SLC16A7: variants seen among roughly 807,000 people sequenced by gnomAD.
SLC16A7 encodes the protein monocarboxylate transporter 2.
Under a neutral mutation model 34.9 loss-of-function variants are expected in SLC16A7, and 33 were observed. The ratio of observed to expected loss-of-function variants is 0.94; its 90% CI spans 0.72 to 1.26. The LOEUF (loss-of-function observed/expected upper bound fraction) is 1.26, where lower values mean the gene tolerates loss of function less well. SLC16A7 is among the 50% of genes most tolerant of loss of function. The probability of loss-of-function intolerance (pLI) is 0.00; values close to 1 mark genes in which losing one functional copy is unlikely to be tolerated. For missense variants in SLC16A7, 573 were observed against 578.1 expected (o/e 0.99, Z 0.09); for synonymous variants, 201 against 206.6 (o/e 0.97, Z 0.23).
chr12:59,716,381 TG>T (rs2137184757), intron 3 of SLC16A7, among the ~76,000 whole-genome samples: 1 of 152,320 alleles, frequency 6.6e-6, no homozygotes, highest in East Asian at 1.9e-4. Flanking sequence ...TCTTCTTATA[TG>T]ATGAGTAAAG....
At chr12:59,727,338 CA>C (rs1002314844) in intron 3 of SLC16A7, among the ~76,000 whole-genome samples, 1 of 151,900 alleles carries the variant, frequency 6.6e-6, no homozygotes, top group Non-Finnish European at 1.5e-5. Flanking sequence ...AAAAGGTGTA[CA>C]AAATCTCAGA....
At chr12:59,641,425 T>C (rs2137006413) in intron 1 of SLC16A7, among the ~76,000 whole-genome samples, 1 of 152,220 alleles carries the variant, frequency 6.6e-6, no homozygotes, top group African/African-American at 2.4e-5. Context: ...ACTTTGCTTT[T>C]GATGGGGTTA....
intron 1 of SLC16A7, among the ~76,000 whole-genome samples, chr12:59,639,538 C>T (rs1304229003): frequency 6.6e-6 from 1 of 152,064 alleles, no homozygotes; most frequent in African/African-American, 2.4e-5. Flanking sequence ...TGCAAGCCAC[C>T]ATGCCTGGCT....
intron 2 of SLC16A7, among the ~76,000 whole-genome samples, chr12:59,699,317 T>C (rs1388214342): frequency 6.6e-6 from 1 of 151,664 alleles, no homozygotes; most frequent in African/African-American, 2.4e-5. Flanking sequence ...AGAACTGATA[T>C]TTAAAGAACA....
At chr12:59,700,052 A>G (rs1262522927) in intron 2 of SLC16A7, among the ~76,000 whole-genome samples, 1 of 151,868 alleles carries the variant, frequency 6.6e-6, no homozygotes, top group East Asian at 1.9e-4. Flanking sequence ...TAGAAAAAAT[A>G]CTTGTGTTAG....
rs1446390889 is a variant in SLC16A7, at chr12:59,788,052, AATT to A, written c.*8377_*8379del. 11 of 152,184 alleles carry A rather than the reference AATT, an allele frequency of 7.2e-5. No homozygotes were observed. The highest frequency in any genetic ancestry group is 1.5e-4 in the Non-Finnish European group (10 of 68,026). 9.4% of individuals were successfully genotyped at this position (152,184 alleles called of 1,614,324 possible). A position where few individuals can be genotyped will look rare whatever the true frequency, so the allele number is the denominator to read the frequency against. ...CCCAGATATTTTAAACCAGTATGTT[AATT>A]ATTTCCTAGAATGAATAATTCTCCT... On this transcript the variant is annotated 3_prime_UTR_variant, in exon 6 of 6. Transcript: ENST00000547379.
chr12:59,731,398 A>G (rs1876934523), intron 3 of SLC16A7, among the ~76,000 whole-genome samples: 1 of 152,214 alleles, frequency 6.6e-6, no homozygotes, highest in African/African-American at 2.4e-5. Flanking sequence ...ATGAAGTACA[A>G]AAAGGTTAAA....
At chr12:59,650,220 C>T (rs1327704356) in intron 1 of SLC16A7, among the ~76,000 whole-genome samples, 1 of 151,940 alleles carries the variant, frequency 6.6e-6, no homozygotes, top group Non-Finnish European at 1.5e-5. Flanking sequence ...TTACTTGTTT[C>T]ACAAGACATG....
At chr12:59,717,748 A>AG (rs1312274942) in intron 3 of SLC16A7, among the ~76,000 whole-genome samples, 10 of 152,300 alleles carry the variant, frequency 6.6e-5, no homozygotes, top group Admixed American at 2.0e-4. Context: ...CAAATGTGGG[A>AG]GAAAAAAAGG....
At chr12:59,713,826 C>T (rs969456864) in intron 3 of SLC16A7, among the ~76,000 whole-genome samples, 3 of 152,166 alleles carry the variant, frequency 2.0e-5, no homozygotes, top group Non-Finnish European at 2.9e-5. Flanking sequence ...TTCACTCATT[C>T]ATTTATTCCA....
chr12:59,648,657 G>A (rs1335643626), intron 1 of SLC16A7, among the ~76,000 whole-genome samples: 1 of 152,114 alleles, frequency 6.6e-6, no homozygotes, highest in East Asian at 1.9e-4. Context: ...AGGAGAAGAT[G>A]TATCAAGAGA....
chr12:59,777,310 T>A (rs1882856274), intron 5 of SLC16A7, among the ~76,000 whole-genome samples: 1 of 152,172 alleles, frequency 6.6e-6, no homozygotes, highest in African/African-American at 2.4e-5. Flanking sequence ...CCCGTAATAT[T>A]TCTTGACTTT....
At chr12:59,705,934 A>G (rs1205459566) in intron 3 of SLC16A7, among the ~76,000 whole-genome samples, 2 of 152,178 alleles carry the variant, frequency 1.3e-5, no homozygotes, top group African/African-American at 2.4e-5. Flanking sequence ...ACATTAGTAT[A>G]ATATCCAGTA....
At chr12:59,628,389 T>A (rs937880022) in intron 1 of SLC16A7, among the ~76,000 whole-genome samples, 1 of 151,914 alleles carries the variant, frequency 6.6e-6, no homozygotes, top group African/African-American at 2.4e-5. Flanking sequence ...GAATTATGTC[T>A]TTGAATACTC....
intron 2 of SLC16A7, among the ~76,000 whole-genome samples, chr12:59,685,110 C>G (rs1795906): frequency 3.0e-4 from 45 of 152,124 alleles, no homozygotes; most frequent in African/African-American, 1.1e-3. Context: ...TGGTTCTTTC[C>G]GGTCATCTTC....
At chr12:59,751,620 C>G (rs1451991495) in intron 3 of SLC16A7, among the ~76,000 whole-genome samples, 1 of 152,212 alleles carries the variant, frequency 6.6e-6, no homozygotes, top group Non-Finnish European at 1.5e-5. Context: ...CTGGGTGGAG[C>G]CCACCACAGC....
At chr12:59,703,465 C>T (rs1170897368) in intron 2 of SLC16A7, among the ~76,000 whole-genome samples, 1 of 151,718 alleles carries the variant, frequency 6.6e-6, no homozygotes, top group Admixed American at 6.6e-5. Flanking sequence ...ATAATAGATA[C>T]AAGCAAATAT....
chr12:59,674,920 G>A (rs908658873), intron 2 of SLC16A7, among the ~76,000 whole-genome samples: 3 of 152,182 alleles, frequency 2.0e-5, no homozygotes, highest in African/African-American at 7.2e-5. Context: ...ACATGCTAGA[G>A]GGTTTAGGAC....
intron 1 of SLC16A7, among the ~76,000 whole-genome samples, chr12:59,622,981 G>A (rs1879760780): frequency 6.6e-6 from 1 of 151,214 alleles, no homozygotes. Context: ...AAAAGGTAGT[G>A]TCATATTTTC....
Sources: allele counts gnomAD v4.1 joint callset (sites outside exome capture counted in the v4.1 genomes callset), GRCh38; gene constraint gnomAD v4.1.1; transcripts MANE v1.5; gene names NCBI Gene and HGNC (gene_info 2026-07-23, HGNC 2026-07-21).